The following ATG2A variants were observed in gnomAD, a reference collection of about 807,000 sequenced individuals.
The protein encoded by ATG2A is autophagy related 2A, also known as autophagy-related protein 2 homolog A.
A neutral mutation model predicts 214.2 loss-of-function variants in ATG2A; 103 were observed. That is an observed-to-expected ratio of 0.48 (90% CI 0.41 to 0.57). ATG2A has a LOEUF of 0.57. ATG2A is among the 20% of genes least tolerant of loss of function. The pLI is 0.00. For synonymous variants in ATG2A, 1,160 were observed against 1,142.1 expected, an observed-to-expected ratio of 1.02 and a Z score of -0.32; for missense variants, 2,312 against 2,613.2, an observed-to-expected ratio of 0.88 and a Z score of 2.51.
Position 64,907,342 on chromosome 11 carries a change from A to G in ATG2A, c.2745T>C (p.Pro915=), listed in dbSNP as rs374075058. 2.8e-5 allele frequency: 43 copies of G among 1,554,966 alleles called. No homozygotes were observed. The highest frequency in any genetic ancestry group is 3.7e-5 in the Non-Finnish European group (42 of 1,149,334). The part of the protein sequence containing the change: ...GASGGPQAAA[P]EAPSLHLQST... ...TCTGCAAGTGAAGACTTGGGGCCTCAGGGGCAGCGGCCTGTGGGCCACCTG... is the reference window on the plus strand; with the variant it reads ...TCTGCAAGTGAAGACTTGGGGCCTCGGGGGCAGCGGCCTGTGGGCCACCTG... The change falls in exon 19 of 41, where the codon CCT becomes CCC. Residue 915 remains proline (P), a synonymous_variant. Transcript: ENST00000377264.
chr11:64,902,289 C>A lies in ATG2A; in HGVS notation c.3875G>T (p.Arg1292Leu). ...AGGCTGGGCCAGCTCCCGTAGGCTG[C>A]GCTCGGTGTCCAGGAGGGCGTCGGC... ...DLADALLDTERSLRELAQPSG... is the reference protein window; with the variant it reads ...DLADALLDTELSLRELAQPSG... The change falls in exon 28 of 41, where the codon CGC becomes CTC. Residue 1292 changes from arginine to leucine, a missense_variant. By Grantham distance (102) the Arg-to-Leu change is moderately radical. Transcript: ENST00000377264. The A allele has an allele frequency of 1.2e-6, 2 of 1,612,812 alleles. No individual in the cohort carries two copies. Among genetic ancestry groups the A allele is most frequent in the East Asian group, 2.2e-5 (1 of 44,882 alleles).
At chr11:64,896,682 A>C in intron 38 of ATG2A, 66 bp from the exon 39 acceptor site, 2 of 1,606,874 alleles carry the variant, frequency 1.2e-6, no homozygotes, top group South Asian at 1.1e-5. Context: ...TCTTATTCCC[A>C]ATGGCAGCTT....
Position 64,917,185 on chromosome 11 carries a change from T to C in ATG2A, c.-50A>G, listed in dbSNP as rs1945022177. The C allele has an allele frequency of 1.3e-6, 2 of 1,540,724 alleles. No individual in the cohort carries two copies. Among genetic ancestry groups the C allele is most frequent in the East Asian group, 4.7e-5 (2 of 42,786 alleles). On this transcript the variant is annotated 5_prime_UTR_variant, in exon 1 of 41. Transcript: ENST00000377264. Reference sequence around the variant, plus strand: ...GCCTCCGCTTGCCGCCCGCCGGCGATCCCCGTCCGGCTCCGCTGTTCACTA... The same window carrying C: ...GCCTCCGCTTGCCGCCCGCCGGCGACCCCCGTCCGGCTCCGCTGTTCACTA...
rs1283262448 is a variant in ATG2A, at chr11:64,913,651, G to C, written c.590+170C>G. The C allele has an allele frequency of 3.8e-6, 3 of 795,612 alleles. No homozygotes were observed. The highest frequency in any genetic ancestry group is 5.9e-6 in the Non-Finnish European group (3 of 508,818). The allele number at this position is 795,612 out of a possible 1,614,324, so 49.3% of individuals were successfully genotyped here. On this transcript the variant is annotated intron_variant, in intron 4 of 40. Coordinates refer to ENST00000377264, the MANE Select transcript of ATG2A (RefSeq NM_015104.3). This position sits in a 1 kb window ranked among gnomAD's most constrained non-coding sequence, Gnocchi z 4.3. ...CTGGGCCTGTATCACCTGGCCTCTG[G>C]ACACCAGTCCGGGCTCACGATGCAG...
chr11:64,900,382 C>T, intron 31 of ATG2A, 112 bp downstream of exon 31: 1 of 1,538,498 alleles, frequency 6.5e-7, no homozygotes, highest in Non-Finnish European at 8.8e-7. Flanking sequence ...GCTTCCTCCA[C>T]TACAAAGGCA....
chr11:64,912,597 T>A, intron 6 of ATG2A, 174 bp from the exon 7 acceptor site: 1 of 590,200 alleles, frequency 1.7e-6, no homozygotes, highest in East Asian at 3.0e-5. Flanking sequence ...TCAGTTTCTT[T>A]TTTTCTTCTT....
chr11:64,907,927 C>T lies in ATG2A; in HGVS notation c.2365-37G>A, dbSNP rs759012359. The T allele has an allele frequency of 3.1e-6, 5 of 1,593,158 alleles. No homozygotes were observed. In the South Asian group the frequency reaches 5.6e-5, roughly 18 times the overall value. ...GAGGTGGAAAGAGCAGGAGAGTCATCTTAGAGACGCTGGCTGGGGCCTGTC... is the reference window on the plus strand; with the variant it reads ...GAGGTGGAAAGAGCAGGAGAGTCATTTTAGAGACGCTGGCTGGGGCCTGTC... On this transcript the variant is annotated intron_variant, in intron 16 of 40. Transcript: ENST00000377264.
In ATG2A at chr11:64,900,897, G is replaced by A. The variant is rs774403610; in HGVS notation, c.4315C>T (p.His1439Tyr). ...GCTCCTCCTCACCTGTGGCCGGGGT[G>A]GGGGCCAAAGTCTCGGCCCCCATAG... ...HLYGGRDFGP[H>Y]PGHRARTGLS... Residue 1439 changes from histidine to tyrosine, a missense_variant, in exon 30 of 41, where the codon CAC becomes TAC. His to Tyr is a moderately conservative substitution (Grantham distance 83, BLOSUM62 2). Coordinates refer to ENST00000377264, the MANE Select transcript of ATG2A (RefSeq NM_015104.3). 5 of 1,561,414 alleles carry A rather than the reference G, an allele frequency of 3.2e-6. No homozygotes were observed. The highest frequency in any genetic ancestry group is 2.4e-5 in the East Asian group (1 of 41,514).
chr11:64,909,443 C>A, intron 14 of ATG2A, 76 bp from the exon 15 acceptor site: 1 of 1,494,068 alleles, frequency 6.7e-7, no homozygotes, highest in South Asian at 1.2e-5. Flanking sequence ...CAGGTCGGCT[C>A]AGAGCTGTGC....
chr11:64,899,940 C>CCT (rs1944292896), intron 31 of ATG2A, among the ~76,000 whole-genome samples: 1 of 151,236 alleles, frequency 6.6e-6, no homozygotes, highest in South Asian at 2.1e-4. Flanking sequence ...CTCACTGCAA[C>CCT]CTCTGCCTCT....
At position 64,907,282 on chromosome 11, in the gene ATG2A, C is replaced by A. The variant is rs1231555391; in HGVS notation, c.2805G>T (p.Gly935=). The A allele has an allele frequency of 6.5e-7, 1 of 1,531,138 alleles. No homozygotes were observed. Among genetic ancestry groups the A allele is most frequent in the Non-Finnish European group, 8.8e-7 (1 of 1,136,668 alleles). The allele number at this position is 1,531,138 out of a possible 1,614,324, so 94.8% of individuals were successfully genotyped here. The change falls in exon 19 of 41, where the codon GGG becomes GGT. Residue 935 remains glycine (G), a synonymous_variant. Transcript: ENST00000377264. ...TFSTLVTVLK[G]RITALCETKD... ...TGGTCTCACAGAGGGCTGTGATCCG[C>A]CCCTTCAGCACTGTCACCAGTGTAG...
chr11:64,908,291 G>C (rs1245604042), intron 16 of ATG2A, among the ~76,000 whole-genome samples: 3 of 152,212 alleles, frequency 2.0e-5, no homozygotes, highest in Non-Finnish European at 4.4e-5. Context: ...GGTGGCTCAT[G>C]CCTATAATCC....
chr11:64,902,528 GA>G lies in ATG2A; in HGVS notation c.3764del (p.Ile1255ThrfsTer83). ...GCCTCACCTGTACCTTCTGGCCGGC[GA>G]TCTCCGTGGGGCTGGGGGGCCGGGG... ...PPPRPPSPTE[I>X]AGQKLSESPA... On this transcript the variant is annotated frameshift_variant, in exon 27 of 41. Transcript: ENST00000377264. LOFTEE classifies it high-confidence loss of function. The G allele has an allele frequency of 6.7e-7, 1 of 1,486,236 alleles. No homozygotes were observed. The highest frequency in any genetic ancestry group is 9.1e-7 in the Non-Finnish European group (1 of 1,103,544). The allele number at this position is 1,486,236 out of a possible 1,614,324, so 92.1% of individuals were successfully genotyped here. A position where few individuals can be genotyped will look rare whatever the true frequency, so the allele number is the denominator to read the frequency against.
intron 22 of ATG2A, 57 bp from the exon 23 acceptor site, chr11:64,905,905 T>C: frequency 6.5e-7 from 1 of 1,541,476 alleles, no homozygotes; most frequent in South Asian, 1.1e-5. Context: ...CTCCCTCCTC[T>C]AACCCCTCCC....
Position 64,907,412 on chromosome 11 carries a change from G to A in ATG2A, c.2675C>T (p.Ser892Leu), listed in dbSNP as rs560045150. Residue 892 changes from serine to leucine, a missense_variant, in exon 19 of 41, where the codon TCG becomes TTG. Coordinates refer to ENST00000377264, the MANE Select transcript of ATG2A (RefSeq NM_015104.3). ...GTGGGCATCCTCGTCATCCGAGTCCGAGTCTGGGGTGAGATCAAAGCAGTT... is the reference window on the plus strand; with the variant it reads ...GTGGGCATCCTCGTCATCCGAGTCCAAGTCTGGGGTGAGATCAAAGCAGTT... Reference protein sequence around the residue: ...LANCFDLTPDSDSDDEDAHFF... With the variant: ...LANCFDLTPDLDSDDEDAHFF... The A allele has an allele frequency of 1.5e-5, 24 of 1,589,534 alleles. No individual in the cohort carries two copies. Among genetic ancestry groups the A allele is most frequent in the Admixed American group, 1.2e-4 (7 of 56,256 alleles).
Position 64,903,519 on chromosome 11 carries a change from C to G in ATG2A, c.3535+71G>C. ...CCGGCCAGCAGCTGCGGGGAGACAC[C>G]TGGCTGCTCTGGGTGTGGCCGGGGC... is the stretch of plus-strand genomic sequence containing the variant. On this transcript the variant is annotated intron_variant, in intron 25 of 40. Transcript: ENST00000377264. This position sits in a 1 kb window ranked among gnomAD's most constrained non-coding sequence, Gnocchi z 4.2. 6.7e-7 allele frequency: 1 copy of G among 1,490,254 alleles called. No homozygotes were observed. The highest frequency in any genetic ancestry group is 9.0e-7 in the Non-Finnish European group (1 of 1,107,346). The allele number at this position is 1,490,254 out of a possible 1,614,324, so 92.3% of individuals were successfully genotyped here.
At position 64,917,033 on chromosome 11, in the gene ATG2A, G is replaced by A; in HGVS notation, c.103C>T (p.Leu35=). 1 of 1,613,848 alleles carries A rather than the reference G, an allele frequency of 6.2e-7. No homozygotes were observed. The highest frequency in any genetic ancestry group is 8.5e-7 in the Non-Finnish European group (1 of 1,180,010). Residue 35 remains leucine, a synonymous_variant, in exon 1 of 41, where the codon CTG becomes TTG. Transcript: ENST00000377264. ...TACAGATCGAGGCTGAGCTGGTCCA[G>A]GCTGAGGTGCTCTTGGAAGAAGTGA... ...LGHFFQEHLS[L]DQLSLDLYKG...
intron 1 of ATG2A, among the ~76,000 whole-genome samples, chr11:64,916,297 C>CCG (rs1554967050): frequency 2.6e-5 from 4 of 152,092 alleles, no homozygotes; most frequent in African/African-American, 4.8e-5. Flanking sequence ...GACACTGAGC[C>CCG]GGGGGGGTCG....
chr11:64,915,878 G>A, intron 1 of ATG2A, among the ~76,000 whole-genome samples: 1 of 152,124 alleles, frequency 6.6e-6, no homozygotes, highest in Non-Finnish European at 1.5e-5. Flanking sequence ...GTCAGAGAGG[G>A]CTTCCTACAC....
Sources: allele counts gnomAD v4.1 joint callset (sites outside exome capture counted in the v4.1 genomes callset), GRCh38; gene constraint gnomAD v4.1.1; non-coding constraint Gnocchi (gnomAD v3.1); transcripts MANE v1.5; gene names NCBI Gene and HGNC (gene_info 2026-07-23, HGNC 2026-07-21).